The following MAPK4 variants were observed in gnomAD, a reference collection of about 807,000 sequenced individuals.
MAPK4 encodes the protein Erk3-related.
A neutral mutation model predicts 47.7 loss-of-function variants in MAPK4; 22 were observed. The observed-to-expected ratio is 0.46, with a 90% CI of 0.33 to 0.66. The LOEUF is 0.66. Ranked by LOEUF, MAPK4 falls within the 30% of genes least tolerant of loss-of-function variation. The probability of loss-of-function intolerance (pLI) is 0.02; values close to 1 mark genes in which losing one functional copy is unlikely to be tolerated. For synonymous variants in MAPK4, 390 were observed against 365.7 expected, an observed-to-expected ratio of 1.07 and a Z score of -0.76; for missense variants, 736 against 831.7, an observed-to-expected ratio of 0.88 and a Z score of 1.42.
chr18:50,635,393 T>A (rs1440112739), intron 1 of MAPK4, among the ~76,000 whole-genome samples: 1 of 152,100 alleles, frequency 6.6e-6, no homozygotes, highest in Non-Finnish European at 1.5e-5. Context: ...CTCTCTCATA[T>A]CTATGCATTC....
At chr18:50,621,853 A>G (rs573988773) in intron 1 of MAPK4, among the ~76,000 whole-genome samples, 4 of 152,376 alleles carry the variant, frequency 2.6e-5, no homozygotes, top group Admixed American at 2.6e-4. Flanking sequence ...TTCACCATGC[A>G]TTTGGCACTT....
chr18:50,691,236 C>T (rs761782773), intron 2 of MAPK4, among the ~76,000 whole-genome samples: 34 of 152,062 alleles, frequency 2.2e-4, no homozygotes, highest in Non-Finnish European at 4.3e-4. Flanking sequence ...GCAAGCAATC[C>T]GCCCGCCTTG....
chr18:50,648,192 C>CTGAAGGTG (rs2043009525), intron 1 of MAPK4, among the ~76,000 whole-genome samples: 1 of 151,958 alleles, frequency 6.6e-6, no homozygotes, highest in African/African-American at 2.4e-5. Context: ...GATGTTAGCT[C>CTGAAGGTG]TGAAGGTGTC....
chr18:50,699,763 C>T (rs1011785639), intron 2 of MAPK4, among the ~76,000 whole-genome samples: 2 of 152,146 alleles, frequency 1.3e-5, no homozygotes, highest in African/African-American at 2.4e-5. Context: ...CTCATCTTCC[C>T]TCGGATTTAA....
chr18:50,714,220 A>T (rs946724033), intron 2 of MAPK4, among the ~76,000 whole-genome samples: 1 of 152,156 alleles, frequency 6.6e-6, no homozygotes, highest in African/African-American at 2.4e-5. Flanking sequence ...TTTTTCTTAC[A>T]TTAGAAAGAC....
intron 5 of MAPK4, among the ~76,000 whole-genome samples, chr18:50,726,850 C>A (rs1911228848): frequency 7.4e-6 from 1 of 134,308 alleles, no homozygotes; most frequent in Non-Finnish European, 1.5e-5. Context: ...CAGAGTGAGA[C>A]CCTGTCAAAA....
chr18:50,632,122 A>T (rs988107689), intron 1 of MAPK4, among the ~76,000 whole-genome samples: 6 of 152,134 alleles, frequency 3.9e-5, no homozygotes, highest in African/African-American at 1.4e-4. Flanking sequence ...CAGAGTGTCA[A>T]ACCTACCAAG....
At chr18:50,559,944 T>C (rs2042136201), upstream of MAPK4, 1 of 150,352 alleles carries the variant, frequency 6.7e-6, no homozygotes, top group Admixed American at 6.6e-5. Flanking sequence ...CGCGGGAGAC[T>C]GCCGCCCCCG....
Position 50,664,405 on chromosome 18 carries a change from C to T in MAPK4, c.447C>T (p.Asp149=). 6.2e-7 allele frequency: 1 copy of T among 1,614,102 alleles called. No homozygotes were observed. Among genetic ancestry groups the T allele is most frequent in the Non-Finnish European group, 8.5e-7 (1 of 1,180,034 alleles). The change falls in exon 2 of 6, where the codon GAC becomes GAT. Residue 149 remains aspartate, a synonymous_variant. Coordinates refer to ENST00000400384, the MANE Select transcript of MAPK4 (RefSeq NM_002747.4). The surrounding 1 kb of genome is among the most constrained non-coding windows in gnomAD (Gnocchi z 6.0). The part of the protein sequence containing the change: ...YIHSANVLHR[D]LKPANIFIST... ...ACTCCGCCAACGTGCTGCACAGGGA[C>T]CTGAAGCCCGCCAACATCTTCATCA...
chr18:50,569,318 T>A (rs1375422483), intron 1 of MAPK4, among the ~76,000 whole-genome samples: 2 of 152,246 alleles, frequency 1.3e-5, no homozygotes, highest in African/African-American at 4.8e-5. Context: ...ATCATAGTGC[T>A]TCATATAATT....
At chr18:50,619,451 C>A (rs1262243607) in intron 1 of MAPK4, among the ~76,000 whole-genome samples, 2 of 152,038 alleles carry the variant, frequency 1.3e-5, no homozygotes, top group African/African-American at 2.4e-5. Flanking sequence ...GTAACTAGGA[C>A]TACAGGCATG....
intron 1 of MAPK4, among the ~76,000 whole-genome samples, chr18:50,592,968 G>A (rs1342527236): frequency 1.3e-5 from 2 of 152,158 alleles, no homozygotes; most frequent in African/African-American, 4.8e-5. Context: ...GTGGGCACTG[G>A]TGTGAGTCCT....
intron 5 of MAPK4, among the ~76,000 whole-genome samples, chr18:50,727,998 A>G (rs1329810227): frequency 6.6e-6 from 1 of 152,228 alleles, no homozygotes; most frequent in African/African-American, 2.4e-5. Flanking sequence ...GGCAGGGTTC[A>G]GCTGTAGGAG....
chr18:50,678,325 A>G lies in MAPK4; in HGVS notation c.546+13821A>G, dbSNP rs995327069. Among the ~76,000 whole-genome samples the G allele has an allele frequency of 1.3e-5, 2 of 152,218 alleles. No individual in the cohort carries two copies. The highest frequency in any genetic ancestry group is 2.9e-5 in the Non-Finnish European group (2 of 68,030). ...GAATACAGAGCCCCCTTAAATGTTG[A>G]CACATTTGCAATTTGGCCAAAGCCT... is the stretch of plus-strand genomic sequence containing the variant. On this transcript the variant is annotated intron_variant, in intron 2 of 5. Transcript: ENST00000400384. The surrounding 1 kb of genome is among the most constrained non-coding windows in gnomAD (Gnocchi z 4.2).
intron 1 of MAPK4, among the ~76,000 whole-genome samples, chr18:50,594,771 G>T (rs1053067272): frequency 1.3e-5 from 2 of 152,138 alleles, no homozygotes; most frequent in East Asian, 3.8e-4. Flanking sequence ...ATGAAGAGCT[G>T]TTATTAAGAA....
intron 1 of MAPK4, among the ~76,000 whole-genome samples, chr18:50,563,542 G>T (rs1398286523): frequency 1.3e-5 from 2 of 152,124 alleles, no homozygotes; most frequent in East Asian, 3.8e-4. Context: ...CTGGCTGTGG[G>T]GTAGCACTGC....
intron 2 of MAPK4, among the ~76,000 whole-genome samples, chr18:50,692,216 C>G (rs932024216): frequency 6.6e-6 from 1 of 152,234 alleles, no homozygotes; most frequent in African/African-American, 2.4e-5. Context: ...CACTGCCTCA[C>G]TGTTGTTAGC....
At chr18:50,560,829 C>T (rs967140825) in intron 1 of MAPK4, 10 of 152,376 alleles carry the variant, frequency 6.6e-5, no homozygotes, top group Non-Finnish European at 7.3e-5. Flanking sequence ...CCCAGAGCCC[C>T]AGCCTGCCGG....
At chr18:50,615,974 G>A (rs995035102) in intron 1 of MAPK4, among the ~76,000 whole-genome samples, 1 of 152,210 alleles carries the variant, frequency 6.6e-6, no homozygotes, top group African/African-American at 2.4e-5. Context: ...CTCAGCTTCA[G>A]TTCTTCTTTT....
Sources: gnomAD v4.1 joint callset for allele counts (sites outside exome capture counted in the v4.1 genomes callset) on GRCh38, gnomAD v4.1.1 for gene constraint, Gnocchi (gnomAD v3.1) non-coding constraint, MANE v1.5 for transcripts, NCBI Gene and HGNC (gene_info 2026-07-23, HGNC 2026-07-21) for gene names.